PAM: variants seen among roughly 807,000 people sequenced by gnomAD.
PAM encodes peptidyl-glycine alpha-amidating monooxygenase.
A neutral mutation model predicts 122.1 loss-of-function variants in PAM; 72 were observed. That is an observed-to-expected ratio of 0.59 (90% CI 0.49 to 0.72). The LOEUF (loss-of-function observed/expected upper bound fraction) is 0.72. Among genes scored for constraint, PAM ranks in the 30% least tolerant of loss-of-function variants. PAM has a pLI of 0.00. For missense variants in PAM, 1,106 were observed against 1,183.7 expected (o/e 0.93, Z 0.96); for synonymous variants, 389 against 404.4 (o/e 0.96, Z 0.46).
chr5:102,955,343 G>C (rs1356592555), intron 12 of PAM, among the ~76,000 whole-genome samples: 1 of 151,896 alleles, frequency 6.6e-6, no homozygotes. Context: ...AAACAGATAT[G>C]GATATAAATA....
intron 5 of PAM, 107 bp downstream of exon 5, chr5:102,914,128 ATTTT>A: frequency 3.0e-6 from 2 of 675,914 alleles, no homozygotes; most frequent in Admixed American, 2.3e-5. Flanking sequence ...TAGGCAGAAC[ATTTT>A]AAGAAAAAGA....
intron 1 of PAM, among the ~76,000 whole-genome samples, chr5:102,831,619 G>C (rs1775471074): frequency 6.6e-6 from 1 of 151,974 alleles, no homozygotes; most frequent in Non-Finnish European, 1.5e-5. Context: ...CATGATGTTA[G>C]GAATGATATA....
intron 4 of PAM, among the ~76,000 whole-genome samples, chr5:102,902,580 G>C (rs746318191): frequency 2.0e-5 from 3 of 151,472 alleles, no homozygotes; most frequent in Non-Finnish European, 4.4e-5. Flanking sequence ...TAATTGTAGT[G>C]CTTTGAGTAA....
chr5:102,798,883 T>C (rs959643600), intron 1 of PAM, among the ~76,000 whole-genome samples: 3 of 152,234 alleles, frequency 2.0e-5, no homozygotes, highest in Non-Finnish European at 4.4e-5. Flanking sequence ...CTATAACTTA[T>C]GTGAGTTTTT....
intron 1 of PAM, among the ~76,000 whole-genome samples, chr5:102,836,858 C>CAGAGAGAG (rs745900009): frequency 4.0e-5 from 2 of 50,034 alleles, no homozygotes; most frequent in African/African-American, 1.1e-4. Flanking sequence ...AAGAAAGAAA[C>CAGAGAGAG]CGAGAGAGAG....
chr5:102,900,880 T>A (rs888228758), intron 3 of PAM, among the ~76,000 whole-genome samples: 2 of 151,518 alleles, frequency 1.3e-5, no homozygotes, highest in African/African-American at 4.8e-5. Flanking sequence ...AAATTTAAAG[T>A]AAGGGAGGGC....
chr5:102,889,433 T>C (rs1794109166), intron 3 of PAM, among the ~76,000 whole-genome samples: 1 of 151,916 alleles, frequency 6.6e-6, no homozygotes, highest in South Asian at 2.1e-4. Context: ...TCTTAGGTTT[T>C]TGGGTGGTAC....
At chr5:102,859,561 C>T (rs1783567814) in intron 1 of PAM, among the ~76,000 whole-genome samples, 1 of 151,992 alleles carries the variant, frequency 6.6e-6, no homozygotes, top group South Asian at 2.1e-4. Context: ...TAAAAAGCTA[C>T]ACTGCACTAA....
intron 16 of PAM, among the ~76,000 whole-genome samples, chr5:102,995,606 G>A (rs1775478231): frequency 6.6e-6 from 1 of 152,046 alleles, no homozygotes; most frequent in Non-Finnish European, 1.5e-5. Context: ...ATACTGTTAA[G>A]TAACAAAATG....
chr5:102,982,653 C>T (rs960824330), intron 15 of PAM, among the ~76,000 whole-genome samples: 6 of 152,230 alleles, frequency 3.9e-5, no homozygotes, highest in African/African-American at 1.2e-4. Context: ...ACAGAGACTA[C>T]TGTGTCCACT....
At chr5:102,983,523 A>G (rs1008468893) in intron 15 of PAM, among the ~76,000 whole-genome samples, 3 of 152,064 alleles carry the variant, frequency 2.0e-5, no homozygotes, top group African/African-American at 7.2e-5. Context: ...GTAATATGAT[A>G]TATAGGACAC....
At chr5:102,859,587 G>A (rs1783576916) in intron 1 of PAM, among the ~76,000 whole-genome samples, 1 of 151,944 alleles carries the variant, frequency 6.6e-6, no homozygotes, top group Admixed American at 6.6e-5. Context: ...ATTTATTATT[G>A]AAGAATATTT....
intron 1 of PAM, among the ~76,000 whole-genome samples, chr5:102,789,331 G>A (rs757409263): frequency 6.6e-6 from 1 of 152,218 alleles, no homozygotes; most frequent in East Asian, 1.9e-4. Context: ...ATAGACATTT[G>A]TATGCCAGTG....
chr5:103,020,269 G>T (rs1194113604), intron 23 of PAM, among the ~76,000 whole-genome samples: 1 of 152,180 alleles, frequency 6.6e-6, no homozygotes, highest in East Asian at 1.9e-4. Context: ...TGCTATAATG[G>T]TATGGAAAGA....
chr5:102,777,570 T>A (rs1441123796), intron 1 of PAM, among the ~76,000 whole-genome samples: 1 of 152,170 alleles, frequency 6.6e-6, no homozygotes, highest in Non-Finnish European at 1.5e-5. Context: ...AGAGGGATTC[T>A]ACTAGAGAAT....
In PAM at chr5:102,792,434, G is replaced by T. The variant is rs1181585005; in HGVS notation, c.-374+37086G>T. Among the ~76,000 whole-genome samples the T allele has an allele frequency of 5.3e-5, 8 of 152,196 alleles. No individual in the cohort carries two copies. In the East Asian group the frequency reaches 1.5e-3, roughly 29 times the overall value. ...ATACATGTGTTTGTATAAAAAGCAG[G>T]TAGCAATTACATAAACTTTTTTCTT... On this transcript the variant is annotated intron_variant, in intron 1 of 25. Transcript: ENST00000438793.
chr5:102,867,303 T>A lies in PAM; in HGVS notation c.120T>A (p.Asn40Lys). Residue 40 changes from asparagine (N) to lysine (K), a missense_variant, in exon 3 of 26, where the codon AAT becomes AAA. By Grantham distance (94) the Asn-to-Lys change is moderately conservative (BLOSUM62 0). Around this residue, in one of 3 missense-constraint regions of PAM, gnomAD observed 670 missense variants for 690.3 expected, o/e 0.97. Transcript: ENST00000438793. ...RFKETTRPFS[N>K]ECLGTTRPVV... Reference sequence around the variant, plus strand: ...AAGAAACTACCAGACCATTTTCCAATGAATGTCTTGGTACCACCAGACCCG... The same window carrying A: ...AAGAAACTACCAGACCATTTTCCAAAGAATGTCTTGGTACCACCAGACCCG... 1 of 1,603,574 alleles carries A rather than the reference T, an allele frequency of 6.2e-7. No homozygotes were observed. The highest frequency in any genetic ancestry group is 8.5e-7 in the Non-Finnish European group (1 of 1,170,636).
chr5:102,973,964 C>T (rs970751861), intron 14 of PAM, 152 bp from the exon 15 acceptor site: 1 of 552,596 alleles, frequency 1.8e-6, no homozygotes, highest in African/African-American at 1.9e-5. Context: ...AGGAATTTTT[C>T]TTTTTTTTCC....
At chr5:102,795,048 G>A (rs1221943974) in intron 1 of PAM, among the ~76,000 whole-genome samples, 1 of 151,758 alleles carries the variant, frequency 6.6e-6, no homozygotes, top group Non-Finnish European at 1.5e-5. Context: ...AAATTAGCTG[G>A]GAGTGGTGGT....
Sources: allele counts gnomAD v4.1 joint callset (sites outside exome capture counted in the v4.1 genomes callset), GRCh38; gene constraint gnomAD v4.1.1; regional missense constraint gnomAD v4.1.1; transcripts MANE v1.5; gene names NCBI Gene and HGNC (gene_info 2026-07-23, HGNC 2026-07-21).